Variants in RFTN1 observed in about 807,000 individuals in gnomAD.
The protein encoded by RFTN1 is raftlin, lipid raft linker 1.
RFTN1 carries 26 observed loss-of-function variants against 46.5 expected under a neutral mutation model. The ratio of observed to expected loss-of-function variants is 0.56; its 90% CI spans 0.41 to 0.78. RFTN1 has a LOEUF of 0.78. RFTN1 is among the 30% of genes least tolerant of loss of function. The pLI, the probability that RFTN1 is intolerant of heterozygous loss-of-function variation, is 0.00. For missense variants in RFTN1, 693 were observed against 718.7 expected (o/e 0.96, Z 0.41); for synonymous variants, 261 against 284.2 (o/e 0.92, Z 0.82).
chr3:16,456,058 A>C (rs576865113), intron 2 of RFTN1, among the ~76,000 whole-genome samples: 1 of 152,066 alleles, frequency 6.6e-6, no homozygotes, highest in Non-Finnish European at 1.5e-5. Flanking sequence ...AGGACAGCAA[A>C]TGAAAATCAA....
rs2068557792 is a variant in RFTN1, at chr3:16,317,638, G to A, written c.1333-406C>T. On this transcript the variant is annotated intron_variant, in intron 9 of 9. Coordinates refer to ENST00000334133, the MANE Select transcript of RFTN1 (RefSeq NM_015150.2). This position sits in a 1 kb window ranked among gnomAD's most constrained non-coding sequence, Gnocchi z 4.3. ...CTCATTTCCATTCTGAGCAGGCTGA[G>A]GATTACCAGGCACGGGGCTGGCATT... 6.6e-6 allele frequency among the ~76,000 whole-genome samples: 1 copy of A among 152,174 alleles called. No homozygotes were observed. The highest frequency in any genetic ancestry group is 2.4e-5 in the African/African-American group (1 of 41,430).
rs1160386331 is a variant in RFTN1, at chr3:16,317,772, C to G, written c.1333-540G>C. Among the ~76,000 whole-genome samples, 1 of 92,314 alleles carries G rather than the reference C, an allele frequency of 1.1e-5. No homozygotes were observed. The highest frequency in any genetic ancestry group is 2.6e-4 in the South Asian group (1 of 3,784). The allele number at this position is 92,314 out of a possible 152,430, so 60.6% of individuals were successfully genotyped here. A position where few individuals can be genotyped will look rare whatever the true frequency, so the allele number is the denominator to read the frequency against. On this transcript the variant is annotated intron_variant, in intron 9 of 9. Coordinates refer to ENST00000334133, the MANE Select transcript of RFTN1 (RefSeq NM_015150.2). The surrounding 1 kb of genome is among the most constrained non-coding windows in gnomAD (Gnocchi z 4.3). ...TGGCGGGCCCGCTCCCCAGCTAGGC[C>G]GATAGCCCTTTGCTGACCACCACCT...
At chr3:16,377,206 G>C (rs2073808835) in intron 5 of RFTN1, among the ~76,000 whole-genome samples, 1 of 152,080 alleles carries the variant, frequency 6.6e-6, no homozygotes, top group Non-Finnish European at 1.5e-5. Flanking sequence ...AGACCAAGCA[G>C]AGAGGCGTGA....
chr3:16,504,807 A>AACTTTCTCTCTTCACCTGAG lies in RFTN1; in HGVS notation c.-9+8615_-9+8634dup, dbSNP rs1421680395. ...GAACTGTTTCAACATCTCCACCTGG[A>AACTTTCTCTCTTCACCTGAG]ACTTTCTCTCTTCACCTGAGACTTT... On this transcript the variant is annotated intron_variant, in intron 1 of 9. Coordinates refer to ENST00000334133, the MANE Select transcript of RFTN1 (RefSeq NM_015150.2). The surrounding 1 kb of genome is among the most constrained non-coding windows in gnomAD (Gnocchi z 4.4). Among the ~76,000 whole-genome samples the AACTTTCTCTCTTCACCTGAG allele has an allele frequency of 1.3e-5, 2 of 152,070 alleles. No homozygotes were observed. The highest frequency in any genetic ancestry group is 4.8e-5 in the African/African-American group (2 of 41,400).
chr3:16,340,591 TAG>T (rs1432867862), intron 7 of RFTN1, among the ~76,000 whole-genome samples: 7 of 152,362 alleles, frequency 4.6e-5, no homozygotes, highest in African/African-American at 1.4e-4. Flanking sequence ...AGCCAACTGA[TAG>T]AGACTGAAAA....
Position 16,458,611 on chromosome 3 carries a change from C to G in RFTN1, c.146-24574G>C, listed in dbSNP as rs2075955106. On this transcript the variant is annotated intron_variant, in intron 2 of 9. Transcript: ENST00000334133. The surrounding 1 kb of genome is among the most constrained non-coding windows in gnomAD (Gnocchi z 5.1). ...TCCTTTCAACATGCATAATGACAAG[C>G]ATTTCGACCCACACACTCTATTTAC... is the stretch of plus-strand genomic sequence containing the variant. Among the ~76,000 whole-genome samples the G allele has an allele frequency of 6.6e-6, 1 of 152,142 alleles. No individual in the cohort carries two copies. The highest frequency in any genetic ancestry group is 1.5e-5 in the Non-Finnish European group (1 of 68,040).
At chr3:16,485,391 T>A (rs770198162) in intron 2 of RFTN1, among the ~76,000 whole-genome samples, 8 of 152,130 alleles carry the variant, frequency 5.3e-5, no homozygotes, top group Non-Finnish European at 1.0e-4. Flanking sequence ...AAGGACTCCA[T>A]ATATACAACA....
rs1382293118 is a variant in RFTN1, at chr3:16,507,872, C to T, written c.-9+5570G>A. ...ATATATATACACACACACATGCACA[C>T]ATATGAAAGCTGATAGGCCCCCGTA... On this transcript the variant is annotated intron_variant, in intron 1 of 9. Coordinates refer to ENST00000334133, the MANE Select transcript of RFTN1 (RefSeq NM_015150.2). This position sits in a 1 kb window ranked among gnomAD's most constrained non-coding sequence, Gnocchi z 7.1. Among the ~76,000 whole-genome samples the T allele has an allele frequency of 1.3e-5, 2 of 151,910 alleles. No individual in the cohort carries two copies. The highest frequency in any genetic ancestry group is 3.9e-4 in the East Asian group (2 of 5,194).
Position 16,459,613 on chromosome 3 carries a change from A to G in RFTN1, c.146-25576T>C, listed in dbSNP as rs2075973785. 6.6e-6 allele frequency among the ~76,000 whole-genome samples: 1 copy of G among 152,136 alleles called. No homozygotes were observed. The highest frequency in any genetic ancestry group is 2.4e-5 in the African/African-American group (1 of 41,416). On this transcript the variant is annotated intron_variant, in intron 2 of 9. Coordinates refer to ENST00000334133, the MANE Select transcript of RFTN1 (RefSeq NM_015150.2). The surrounding 1 kb of genome is among the most constrained non-coding windows in gnomAD (Gnocchi z 4.2). The stretch of plus-strand genomic sequence containing the variant: ...TGTTTCTAAAATAATAATAATAATA[A>G]GTAAATAAATGAAAATTACAAATAA...
chr3:16,386,579 A>G (rs1050463579), intron 4 of RFTN1, among the ~76,000 whole-genome samples: 1 of 152,218 alleles, frequency 6.6e-6, no homozygotes, highest in Admixed American at 6.5e-5. Flanking sequence ...CAATGTTCCT[A>G]CACTCTAAGC....
chr3:16,378,104 T>G lies in RFTN1; in HGVS notation c.442-2A>C. 1 of 1,605,652 alleles carries G rather than the reference T, an allele frequency of 6.2e-7. No homozygotes were observed. The highest frequency in any genetic ancestry group is 8.5e-7 in the Non-Finnish European group (1 of 1,172,874). Reference sequence around the variant, plus strand: ...GCCCTGGCTTGCAGCCTCCTGGATCTGTGAGGCAAACAAAAGGAAGGGAAA... The same window carrying G: ...GCCCTGGCTTGCAGCCTCCTGGATCGGTGAGGCAAACAAAAGGAAGGGAAA... On this transcript the variant is annotated splice_acceptor_variant, in intron 4 of 9. Transcript: ENST00000334133. LOFTEE classifies it high-confidence loss of function.
Position 16,481,838 on chromosome 3 carries a change from C to A in RFTN1, c.145+11887G>T. Among the ~76,000 whole-genome samples, 1 of 152,110 alleles carries A rather than the reference C, an allele frequency of 6.6e-6. No individual in the cohort carries two copies. Among genetic ancestry groups the A allele is most frequent in the Admixed American group, 6.5e-5 (1 of 15,276 alleles). The stretch of plus-strand genomic sequence containing the variant: ...AAAGAAAAATGTTTCCCTACCCTAC[C>A]GCATATACTATTTTCAGCAAAGGAG... On this transcript the variant is annotated intron_variant, in intron 2 of 9. Transcript: ENST00000334133. This position sits in a 1 kb window ranked among gnomAD's most constrained non-coding sequence, Gnocchi z 5.1.
chr3:16,377,049 G>C (rs1374822030), intron 5 of RFTN1, among the ~76,000 whole-genome samples: 1 of 152,074 alleles, frequency 6.6e-6, no homozygotes, highest in East Asian at 1.9e-4. Context: ...CCAGATGCTA[G>C]ATTTCCTGGA....
rs543236106 is a variant in RFTN1, at chr3:16,418,236, C to T, written c.333-8753G>A. On this transcript the variant is annotated intron_variant, in intron 3 of 9. Coordinates refer to ENST00000334133, the MANE Select transcript of RFTN1 (RefSeq NM_015150.2). The surrounding 1 kb of genome is among the most constrained non-coding windows in gnomAD (Gnocchi z 5.0). Reference sequence around the variant, plus strand: ...TCTCATGGGAAGATCTAAAATGAGGCCACTAAAAAACAATTGCCTGTCGAA... The same window carrying T: ...TCTCATGGGAAGATCTAAAATGAGGTCACTAAAAAACAATTGCCTGTCGAA... Among the ~76,000 whole-genome samples, 1 of 152,166 alleles carries T rather than the reference C, an allele frequency of 6.6e-6. No individual in the cohort carries two copies. The highest frequency in any genetic ancestry group is 1.9e-4 in the East Asian group (1 of 5,182).
intron 2 of RFTN1, among the ~76,000 whole-genome samples, chr3:16,477,452 A>C (rs577405933): frequency 4.6e-5 from 7 of 152,252 alleles, no homozygotes; most frequent in Non-Finnish European, 1.0e-4. Flanking sequence ...GTTTCCCTAG[A>C]CAAATAATTT....
chr3:16,404,478 C>T (rs1487969504), intron 4 of RFTN1, among the ~76,000 whole-genome samples: 1 of 132,194 alleles, frequency 7.6e-6, no homozygotes, highest in Non-Finnish European at 1.7e-5. Context: ...GACTCCATGC[C>T]ATGCCCTACA....
intron 7 of RFTN1, among the ~76,000 whole-genome samples, chr3:16,333,156 C>A (rs2070494321): frequency 6.6e-6 from 1 of 152,190 alleles, no homozygotes; most frequent in African/African-American, 2.4e-5. Context: ...GGCAACAGTA[C>A]TTCAGCACTA....
At chr3:16,412,695 A>G (rs2075000777) in intron 3 of RFTN1, among the ~76,000 whole-genome samples, 1 of 152,200 alleles carries the variant, frequency 6.6e-6, no homozygotes, top group Non-Finnish European at 1.5e-5. Flanking sequence ...TCAATAAAAC[A>G]TGGTAAAGGT....
chr3:16,348,706 A>G lies in RFTN1; in HGVS notation c.1146+9226T>C, dbSNP rs1389365280. On this transcript the variant is annotated intron_variant, in intron 7 of 9. Transcript: ENST00000334133. This position sits in a 1 kb window ranked among gnomAD's most constrained non-coding sequence, Gnocchi z 6.3. ...GTAGTCACTCTCTTTGAGCCTATGG[A>G]GTTTCCCAGTTCCCTGAGGGTTCTG... is the stretch of plus-strand genomic sequence containing the variant. 2.0e-5 allele frequency among the ~76,000 whole-genome samples: 3 copies of G among 152,088 alleles called. No individual in the cohort carries two copies. Among genetic ancestry groups the G allele is most frequent in the Non-Finnish European group, 2.9e-5 (2 of 68,012 alleles).
Sources: allele counts gnomAD v4.1 joint callset (sites outside exome capture counted in the v4.1 genomes callset), GRCh38; gene constraint gnomAD v4.1.1; non-coding constraint Gnocchi (gnomAD v3.1); transcripts MANE v1.5; gene names NCBI Gene and HGNC (gene_info 2026-07-23, HGNC 2026-07-21).